Variants in SPART observed in about 807,000 individuals in gnomAD.
The protein encoded by SPART is spastic paraplegia 20 (Troyer syndrome).
Under a neutral mutation model 58.7 loss-of-function variants are expected in SPART, and 35 were observed. That is an observed-to-expected ratio of 0.60 (90% confidence interval 0.46 to 0.79). SPART has a LOEUF of 0.79. Among genes scored for constraint, SPART ranks in the 30% least tolerant of loss-of-function variants. The pLI is 0.00. For missense variants in SPART, 730 were observed against 786.1 expected, an observed-to-expected ratio of 0.93 and a Z score of 0.85; for synonymous variants, 284 against 280.7, an observed-to-expected ratio of 1.01 and a Z score of -0.12.
At chr13:36,369,549 A>G (rs182965128) in intron 1 of SPART, 1 of 152,200 alleles carries the variant, frequency 6.6e-6, no homozygotes, top group Non-Finnish European at 1.5e-5. Flanking sequence ...CTTTCCCCCA[A>G]GAAAATACAG....
At chr13:36,366,826 A>G (rs916535654) in intron 1 of SPART, among the ~76,000 whole-genome samples, 1 of 152,076 alleles carries the variant, frequency 6.6e-6, no homozygotes, top group African/African-American at 2.4e-5. Context: ...ACCAAGAACC[A>G]TGGTGTTCCT....
At chr13:36,327,949 G>A (rs1028959130) in intron 4 of SPART, among the ~76,000 whole-genome samples, 1 of 152,216 alleles carries the variant, frequency 6.6e-6, no homozygotes, top group East Asian at 1.9e-4. Flanking sequence ...AGCTGAGATC[G>A]CACCACTGCA....
chr13:36,365,411 T>A, intron 1 of SPART: 1 of 340,504 alleles, frequency 2.9e-6, no homozygotes, highest in Non-Finnish European at 5.7e-6. Flanking sequence ...TATGTTACTA[T>A]GTTATTATTA....
At chr13:36,325,025 G>A (rs2137450095) in intron 5 of SPART, among the ~76,000 whole-genome samples, 1 of 152,230 alleles carries the variant, frequency 6.6e-6, no homozygotes, top group Middle Eastern at 3.4e-3. Context: ...GGCAGAGGAG[G>A]GCATTTTCAC....
chr13:36,366,675 G>T (rs995883952), intron 1 of SPART, among the ~76,000 whole-genome samples: 3 of 152,042 alleles, frequency 2.0e-5, no homozygotes, highest in African/African-American at 7.3e-5. Flanking sequence ...TCCTCTTTTG[G>T]CTTGGAATAC....
chr13:36,359,494 A>G (rs1482584062), intron 1 of SPART, among the ~76,000 whole-genome samples: 2 of 152,224 alleles, frequency 1.3e-5, no homozygotes, highest in African/African-American at 2.4e-5. Flanking sequence ...ACTTAATGCC[A>G]TGGACCATCA....
chr13:36,368,160 T>A (rs1886140698), intron 1 of SPART: 1 of 456,838 alleles, frequency 2.2e-6, no homozygotes, highest in African/African-American at 2.0e-5. Flanking sequence ...CAACAAAAAA[T>A]AAATTCTTTC....
chr13:36,335,541 T>G lies in SPART; in HGVS notation c.290A>C (p.Lys97Thr). Reference sequence around the variant, plus strand: ...ATTCTGCAGAGAAGTGGCAAGACCCTTCTCTAGAATTTCCAGCCTGGTGCG... The same window carrying G: ...ATTCTGCAGAGAAGTGGCAAGACCCGTCTCTAGAATTTCCAGCCTGGTGCG... ...NVRTRLEILE[K>T]GLATSLQNDL... The change falls in exon 2 of 9, where the codon AAG becomes ACG. Residue 97 changes from lysine (K) to threonine (T), a missense_variant. By Grantham distance (78) the Lys-to-Thr change is moderately conservative. Transcript: ENST00000438666. 1 of 1,614,222 alleles carries G rather than the reference T, an allele frequency of 6.2e-7. No individual in the cohort carries two copies. Among genetic ancestry groups the G allele is most frequent in the Non-Finnish European group, 8.5e-7 (1 of 1,180,036 alleles).
intron 2 of SPART, among the ~76,000 whole-genome samples, 189 bp downstream of exon 2, chr13:36,334,832 C>A (rs1213975593): frequency 1.3e-5 from 2 of 151,908 alleles, no homozygotes; most frequent in Non-Finnish European, 2.9e-5. Flanking sequence ...ATTAATATAT[C>A]TTTTTTAAAA....
intron 8 of SPART, among the ~76,000 whole-genome samples, chr13:36,311,458 T>G (rs1686688413): frequency 6.6e-6 from 1 of 152,218 alleles, no homozygotes; most frequent in African/African-American, 2.4e-5. Context: ...TTTTTAACAG[T>G]CTGTATACCG....
chr13:36,312,914 A>G (rs1435363022), intron 6 of SPART, among the ~76,000 whole-genome samples: 1 of 151,070 alleles, frequency 6.6e-6, no homozygotes, highest in Non-Finnish European at 1.5e-5. Flanking sequence ...AGCTTATTCC[A>G]GCTTAGCGTA....
intron 1 of SPART, chr13:36,360,527 A>T (rs1885812673): frequency 6.6e-6 from 1 of 152,416 alleles, no homozygotes; most frequent in Non-Finnish European, 1.5e-5. Context: ...TGGGAACAGT[A>T]AGAAGTAAAA....
chr13:36,308,302 T>C (rs1454011142), intron 8 of SPART: 1 of 152,154 alleles, frequency 6.6e-6, no homozygotes, highest in Admixed American at 6.6e-5. Context: ...AAATCTTTTA[T>C]TCCCTACTGC....
chr13:36,326,709 A>C lies in SPART; in HGVS notation c.1165-11T>G, dbSNP rs1358455802. The C allele has an allele frequency of 6.2e-7, 1 of 1,611,920 alleles. No individual in the cohort carries two copies. The highest frequency in any genetic ancestry group is 1.7e-5 in the Admixed American group (1 of 59,984). ...TGAAGTATCTTTAGCCTAAACAGTA[A>C]AAATGTTTCAAAATGTGAAGAGTTA... On this transcript the variant is annotated splice_polypyrimidine_tract_variant and intron_variant, in intron 4 of 8. Coordinates refer to ENST00000438666, the MANE Select transcript of SPART (RefSeq NM_015087.5).
intron 6 of SPART, among the ~76,000 whole-genome samples, chr13:36,313,308 G>A (rs1024761876): frequency 6.6e-6 from 1 of 152,142 alleles, no homozygotes; most frequent in Non-Finnish European, 1.5e-5. Flanking sequence ...GGTCATTTCA[G>A]ACATTTCATG....
At chr13:36,309,393 A>C (rs908810212) in intron 8 of SPART, among the ~76,000 whole-genome samples, 3 of 152,312 alleles carry the variant, frequency 2.0e-5, no homozygotes. Flanking sequence ...TTTGATACCC[A>C]AAAGAAAATA....
chr13:36,343,905 T>C (rs1034337322), intron 1 of SPART, among the ~76,000 whole-genome samples: 2 of 152,108 alleles, frequency 1.3e-5, no homozygotes, highest in African/African-American at 4.8e-5. Context: ...AGCTCTCGCC[T>C]GTAATCCCAG....
chr13:36,339,579 C>T (rs539735556), intron 1 of SPART, among the ~76,000 whole-genome samples: 4 of 125,734 alleles, frequency 3.2e-5, no homozygotes, highest in Admixed American at 9.3e-5. Flanking sequence ...TGCACTGAGC[C>T]GAGATCATGC....
intron 4 of SPART, among the ~76,000 whole-genome samples, chr13:36,327,921 G>C (rs1883095258): frequency 6.6e-6 from 1 of 152,156 alleles, no homozygotes; most frequent in Non-Finnish European, 1.5e-5. Flanking sequence ...TTGAACCCGG[G>C]AGGCGGAGGT....
Sources: gnomAD v4.1 joint callset for allele counts (sites outside exome capture counted in the v4.1 genomes callset) on GRCh38, gnomAD v4.1.1 for gene constraint, MANE v1.5 for transcripts, NCBI Gene and HGNC (gene_info 2026-07-23, HGNC 2026-07-21) for gene names.